The following KCTD10 variants were observed in gnomAD, a reference collection of about 807,000 sequenced individuals.
The protein encoded by KCTD10 is BTB/POZ domain-containing adapter for CUL3-mediated RhoA degradation protein 3.
A neutral mutation model predicts 34.6 loss-of-function variants in KCTD10; 13 were observed. That is an observed-to-expected ratio of 0.38 (90% confidence interval 0.24 to 0.60). The LOEUF is 0.60. Among genes scored for constraint, KCTD10 ranks in the 20% least tolerant of loss-of-function variants. The pLI is 0.66. For missense variants in KCTD10, 256 were observed against 420.3 expected (o/e 0.61, Z 3.42); for synonymous variants, 156 against 168.8 (o/e 0.92, Z 0.59).
At chr12:109,466,244 A>G (rs1056496434) in intron 2 of KCTD10, among the ~76,000 whole-genome samples, 3 of 152,160 alleles carry the variant, frequency 2.0e-5, no homozygotes, top group African/African-American at 4.8e-5. Flanking sequence ...GCTTCTCTGT[A>G]GCCCCTCAGC....
intron 6 of KCTD10, among the ~76,000 whole-genome samples, chr12:109,453,835 C>T (rs1298718400): frequency 6.6e-6 from 1 of 151,842 alleles, no homozygotes; most frequent in Non-Finnish European, 1.5e-5. Flanking sequence ...GACCCACACC[C>T]AGCTGCAAGA....
At chr12:109,466,520 C>T (rs960834508) in intron 2 of KCTD10, among the ~76,000 whole-genome samples, 6 of 152,178 alleles carry the variant, frequency 3.9e-5, no homozygotes, top group African/African-American at 1.2e-4. Context: ...CCACAAATGT[C>T]GGCTGTGACT....
At chr12:109,473,218 G>A (rs1162323310) in intron 1 of KCTD10, among the ~76,000 whole-genome samples, 1 of 152,196 alleles carries the variant, frequency 6.6e-6, no homozygotes, top group Admixed American at 6.5e-5. Flanking sequence ...TGAGAGCTAT[G>A]ATACATAAGC....
At chr12:109,475,607 A>G (rs1338367354) in intron 1 of KCTD10, among the ~76,000 whole-genome samples, 1 of 152,116 alleles carries the variant, frequency 6.6e-6, no homozygotes, top group Non-Finnish European at 1.5e-5. Flanking sequence ...TCTTTGGGGG[A>G]TTCGGATGTG....
Position 109,451,402 on chromosome 12 carries a change from A to G in KCTD10, c.*193T>C, listed in dbSNP as rs78823865. Reference sequence around the variant, plus strand: ...TCTTAGACACAGCTTGTTCAACGACAGGGGTCATACGCCTGGGTCAAGACA... The same window carrying G: ...TCTTAGACACAGCTTGTTCAACGACGGGGGTCATACGCCTGGGTCAAGACA... On this transcript the variant is annotated 3_prime_UTR_variant, in exon 7 of 7. Transcript: ENST00000228495. This position sits in a 1 kb window ranked among gnomAD's most constrained non-coding sequence, Gnocchi z 5.0. The G allele has an allele frequency of 2.0e-3, 1,095 of 560,136 alleles. 5 individuals carry two copies. Among genetic ancestry groups the G allele is most frequent in the African/African-American group, 0.018 (976 of 52,784 alleles). The allele number at this position is 560,136 out of a possible 1,614,324, so 34.7% of individuals were successfully genotyped here.
In KCTD10 at chr12:109,460,626, T is replaced by C; in HGVS notation, c.387+10A>G. On this transcript the variant is annotated intron_variant, in intron 3 of 6. Coordinates refer to ENST00000228495, the MANE Select transcript of KCTD10 (RefSeq NM_031954.5). The surrounding 1 kb of genome is among the most constrained non-coding windows in gnomAD (Gnocchi z 4.5). ...TCTCCACCCATATGGGAAGAAAGGG[T>C]GATGCCTACTTGTAGGGCCGCCTGG... 6.2e-7 allele frequency: 1 copy of C among 1,611,354 alleles called. No individual in the cohort carries two copies. Among genetic ancestry groups the C allele is most frequent in the South Asian group, 1.1e-5 (1 of 90,876 alleles).
chr12:109,451,436 G>C lies in KCTD10; in HGVS notation c.*159C>G, dbSNP rs1328294686. The C allele has an allele frequency of 1.6e-5, 11 of 667,328 alleles. No individual in the cohort carries two copies. The East Asian group carries it at 3.1e-4, about 19-fold the overall frequency. The allele number at this position is 667,328 out of a possible 1,614,324, so 41.3% of individuals were successfully genotyped here. Reference sequence around the variant, plus strand: ...ACGCCTGGGTCAAGACAATCAATTTGCCTTGTCAAGCAATACCAAAATAAT... The same window carrying C: ...ACGCCTGGGTCAAGACAATCAATTTCCCTTGTCAAGCAATACCAAAATAAT... On this transcript the variant is annotated 3_prime_UTR_variant, in exon 7 of 7. Coordinates refer to ENST00000228495, the MANE Select transcript of KCTD10 (RefSeq NM_031954.5). This position sits in a 1 kb window ranked among gnomAD's most constrained non-coding sequence, Gnocchi z 5.0.
intron 1 of KCTD10, among the ~76,000 whole-genome samples, chr12:109,474,860 T>C (rs1374015451): frequency 2.0e-5 from 3 of 152,192 alleles, no homozygotes; most frequent in Non-Finnish European, 2.9e-5. Context: ...ACCAAATCCC[T>C]GACCCCACGT....
rs1359861895 is a variant in KCTD10 at position 109,451,835 on chromosome 12, G to A, written c.724-22C>T. ...CCACCTGTGTTCCCACAGTATACAG[G>A]GCAGGTAAGTTATGGCCCACCCCCT... On this transcript the variant is annotated intron_variant, in intron 6 of 6. Coordinates refer to ENST00000228495, the MANE Select transcript of KCTD10 (RefSeq NM_031954.5). The surrounding 1 kb of genome is among the most constrained non-coding windows in gnomAD (Gnocchi z 5.0). The A allele has an allele frequency of 6.3e-6, 10 of 1,589,500 alleles. No individual in the cohort carries two copies. Among genetic ancestry groups the A allele is most frequent in the Non-Finnish European group, 8.6e-6 (10 of 1,163,298 alleles).
At chr12:109,458,143 C>A in intron 3 of KCTD10, 65 bp from the exon 4 acceptor site, 1 of 1,335,738 alleles carries the variant, frequency 7.5e-7, no homozygotes, top group Non-Finnish European at 1.1e-6. Context: ...TAAAGTTGAC[C>A]GGCTGGACAG....
intron 2 of KCTD10, among the ~76,000 whole-genome samples, chr12:109,466,280 C>T (rs1873583360): frequency 6.6e-6 from 1 of 152,204 alleles, no homozygotes; most frequent in South Asian, 2.1e-4. Context: ...AACATTTACA[C>T]TCAGAACAAA....
Position 109,460,125 on chromosome 12 carries a change from C to T in KCTD10, c.387+511G>A, listed in dbSNP as rs933586497. Among the ~76,000 whole-genome samples, 5 of 152,310 alleles carry T rather than the reference C, an allele frequency of 3.3e-5. No homozygotes were observed. The highest frequency in any genetic ancestry group is 2.6e-4 in the Admixed American group (4 of 15,306). On this transcript the variant is annotated intron_variant, in intron 3 of 6. Transcript: ENST00000228495. This position sits in a 1 kb window ranked among gnomAD's most constrained non-coding sequence, Gnocchi z 4.5. Reference sequence around the variant, plus strand: ...CCTACGAAAACCCAAAGGGATGCTTCTGATGCTCTGCCACGTTGCAACTTT... The same window carrying T: ...CCTACGAAAACCCAAAGGGATGCTTTTGATGCTCTGCCACGTTGCAACTTT...
intron 6 of KCTD10, among the ~76,000 whole-genome samples, chr12:109,452,855 A>T (rs202019343): frequency 0.085 from 4,944 of 57,872 alleles, 127 homozygotes; most frequent in East Asian, 0.12. Context: ...CTTTTTTTTT[A>T]AAAGATATGG....
In KCTD10 at chr12:109,450,419, T is replaced by A. The variant is rs1872715045; in HGVS notation, c.*1176A>T. 1 of 399,190 alleles carries A rather than the reference T, an allele frequency of 2.5e-6. No individual in the cohort carries two copies. The highest frequency in any genetic ancestry group is 2.1e-5 in the African/African-American group (1 of 48,738). The allele number at this position is 399,190 out of a possible 1,614,324, so 24.7% of individuals were successfully genotyped here. A position where few individuals can be genotyped will look rare whatever the true frequency, so the allele number is the denominator to read the frequency against. On this transcript the variant is annotated 3_prime_UTR_variant, in exon 7 of 7. Transcript: ENST00000228495. ...GTCACACATATCCCTTAAACAAACA[T>A]GAACACAGACACAAACCAGACCCAA...
intron 1 of KCTD10, among the ~76,000 whole-genome samples, chr12:109,472,547 T>G (rs1275810937): frequency 6.6e-6 from 1 of 152,078 alleles, no homozygotes; most frequent in African/African-American, 2.4e-5. Context: ...TATTCTAAAA[T>G]AACCATTAAT....
intron 1 of KCTD10, chr12:109,470,047 G>A (rs1323211654): frequency 2.8e-5 from 32 of 1,152,904 alleles, no homozygotes; most frequent in Non-Finnish European, 3.3e-5. Flanking sequence ...GACCCTGCCT[G>A]TCGACCCTGC....
At chr12:109,452,868 TC>T (rs1397996600) in intron 6 of KCTD10, among the ~76,000 whole-genome samples, 2 of 121,054 alleles carry the variant, frequency 1.7e-5, no homozygotes, top group African/African-American at 6.7e-5. Flanking sequence ...AGATATGGGA[TC>T]TGGCTAATTA....
Position 109,451,858 on chromosome 12 carries a change from C to T in KCTD10, c.724-45G>A. 6.6e-7 allele frequency: 1 copy of T among 1,525,074 alleles called. No homozygotes were observed. The highest frequency in any genetic ancestry group is 8.9e-7 in the Non-Finnish European group (1 of 1,122,406). 94.5% of individuals were successfully genotyped at this position (1,525,074 alleles called of 1,614,324 possible). On this transcript the variant is annotated intron_variant, in intron 6 of 6. Transcript: ENST00000228495. This position sits in a 1 kb window ranked among gnomAD's most constrained non-coding sequence, Gnocchi z 5.0. Reference sequence around the variant, plus strand: ...AGGGCAGGTAAGTTATGGCCCACCCCCTCTGCCAACACCTGGACTTTAAGC... The same window carrying T: ...AGGGCAGGTAAGTTATGGCCCACCCTCTCTGCCAACACCTGGACTTTAAGC...
Position 109,456,557 on chromosome 12 carries a change from G to A in KCTD10, c.528-244C>T, listed in dbSNP as rs1592836522. The A allele has an allele frequency of 1.2e-5, 6 of 521,100 alleles. No individual in the cohort carries two copies. The East Asian group carries it at 1.7e-4, about 15-fold the overall frequency. The allele number at this position is 521,100 out of a possible 1,614,324, so 32.3% of individuals were successfully genotyped here. On this transcript the variant is annotated intron_variant, in intron 5 of 6. Coordinates refer to ENST00000228495, the MANE Select transcript of KCTD10 (RefSeq NM_031954.5). ...TGGCAGACACGCCCCCCAAAAGACA[G>A]CCCTGGCCCCTAAGCCTGAGTGCTC...
Sources: allele counts gnomAD v4.1 joint callset (sites outside exome capture counted in the v4.1 genomes callset), GRCh38; gene constraint gnomAD v4.1.1; non-coding constraint Gnocchi (gnomAD v3.1); transcripts MANE v1.5; gene names NCBI Gene and HGNC (gene_info 2026-07-23, HGNC 2026-07-21).